DLGAP1: variants seen among roughly 807,000 people sequenced by gnomAD.
The protein encoded by DLGAP1 is DLG associated protein 1, also known as disks large-associated protein 1.
DLGAP1 carries 11 observed loss-of-function variants against 90.8 expected under a neutral mutation model. The ratio of observed to expected loss-of-function variants is 0.12; its 90% CI spans 0.08 to 0.20. The LOEUF is 0.20. DLGAP1 is among the 10% of genes least tolerant of loss of function. DLGAP1 has a pLI of 1.00. For missense variants in DLGAP1, 1,050 were observed against 1,333.8 expected, an observed-to-expected ratio of 0.79 and a Z score of 3.31; for synonymous variants, 558 against 540.7, an observed-to-expected ratio of 1.03 and a Z score of -0.44.
At chr18:3,514,886 C>A (rs970461855) in intron 10 of DLGAP1, among the ~76,000 whole-genome samples, 2 of 152,048 alleles carry the variant, frequency 1.3e-5, no homozygotes, top group African/African-American at 4.8e-5. Flanking sequence ...GGCAATGTCT[C>A]TTTTTAAAAT....
At chr18:3,587,708 CA>C (rs1468417262) in intron 7 of DLGAP1, among the ~76,000 whole-genome samples, 6 of 152,202 alleles carry the variant, frequency 3.9e-5, no homozygotes, top group Non-Finnish European at 8.8e-5. Flanking sequence ...CTGTAACACT[CA>C]TTGTGAGGGT....
intron 4 of DLGAP1, among the ~76,000 whole-genome samples, chr18:3,863,853 C>G (rs2070231722): frequency 6.6e-6 from 1 of 152,214 alleles, no homozygotes; most frequent in Non-Finnish European, 1.5e-5. Flanking sequence ...ACCATTGGTT[C>G]CCCTGAGAAA....
chr18:4,337,876 G>C (rs1312391428), intron 1 of DLGAP1, among the ~76,000 whole-genome samples: 1 of 152,030 alleles, frequency 6.6e-6, no homozygotes, highest in African/African-American at 2.4e-5. Context: ...ATTTTACAAT[G>C]TTCTTTTCAC....
intron 7 of DLGAP1, among the ~76,000 whole-genome samples, chr18:3,628,304 T>C (rs1475645744): frequency 3.3e-5 from 5 of 151,628 alleles, no homozygotes; most frequent in African/African-American, 7.3e-5. Context: ...ATTCTCCTAT[T>C]TCAGCCTCCC....
At chr18:4,427,177 C>T (rs1026970552) in intron 1 of DLGAP1, among the ~76,000 whole-genome samples, 6 of 152,148 alleles carry the variant, frequency 3.9e-5, no homozygotes, top group African/African-American at 1.4e-4. Context: ...CCAAATGGAG[C>T]AGAGAGACTG....
At chr18:4,015,435 T>C (rs777522338) in intron 2 of DLGAP1, among the ~76,000 whole-genome samples, 3 of 152,160 alleles carry the variant, frequency 2.0e-5, no homozygotes. Flanking sequence ...ATGATTTTGG[T>C]ATCCTTACTC....
At chr18:4,282,797 T>A (rs1201113588) in intron 1 of DLGAP1, among the ~76,000 whole-genome samples, 1 of 152,250 alleles carries the variant, frequency 6.6e-6, no homozygotes, top group Non-Finnish European at 1.5e-5. Flanking sequence ...CACAGCAGCA[T>A]GCCTCTGACT....
intron 3 of DLGAP1, among the ~76,000 whole-genome samples, chr18:3,987,163 T>C (rs1006615646): frequency 6.6e-5 from 10 of 152,150 alleles, no homozygotes; most frequent in Non-Finnish European, 1.5e-4. Context: ...ATTTTCCTCA[T>C]CTGTCAAATG....
At chr18:4,242,905 C>T (rs572856862) in intron 1 of DLGAP1, among the ~76,000 whole-genome samples, 24 of 152,082 alleles carry the variant, frequency 1.6e-4, no homozygotes, top group Admixed American at 1.4e-3. Flanking sequence ...CATGTAGTAC[C>T]CACGATGAGG....
intron 1 of DLGAP1, among the ~76,000 whole-genome samples, chr18:4,387,033 T>C (rs1357735810): frequency 6.6e-6 from 1 of 152,164 alleles, no homozygotes; most frequent in African/African-American, 2.4e-5. Context: ...AGATTTAAGT[T>C]AGTATGGGGA....
At chr18:4,327,294 C>T (rs1463705610) in intron 1 of DLGAP1, among the ~76,000 whole-genome samples, 1 of 151,866 alleles carries the variant, frequency 6.6e-6, no homozygotes, top group African/African-American at 2.4e-5. Context: ...ACACAAGGTA[C>T]ACATATATCA....
chr18:4,064,086 A>G (rs192812232), intron 2 of DLGAP1, among the ~76,000 whole-genome samples: 95 of 152,128 alleles, frequency 6.2e-4, no homozygotes, highest in Middle Eastern at 6.8e-3. Context: ...ATCAGTCAAA[A>G]GCTTTGTTGT....
intron 1 of DLGAP1, among the ~76,000 whole-genome samples, chr18:4,279,294 A>ATT (rs142415505): frequency 9.9e-5 from 15 of 151,954 alleles, no homozygotes; most frequent in Admixed American, 7.2e-4. Flanking sequence ...CATCCAAATA[A>ATT]TTTTTTTTAC....
At chr18:3,821,964 T>C in intron 4 of DLGAP1, 2 of 983,992 alleles carry the variant, frequency 2.0e-6, no homozygotes, top group East Asian at 1.1e-4. Flanking sequence ...CCTTGACAAA[T>C]GCGACTTGGC....
chr18:3,966,349 G>C (rs534409854), intron 3 of DLGAP1, among the ~76,000 whole-genome samples: 197 of 152,186 alleles, frequency 1.3e-3, no homozygotes, highest in African/African-American at 4.3e-3. Flanking sequence ...CTATTTGTTG[G>C]GGGGAAGGCT....
intron 1 of DLGAP1, among the ~76,000 whole-genome samples, chr18:4,186,037 T>C (rs1444473535): frequency 6.6e-5 from 10 of 152,028 alleles, no homozygotes; most frequent in African/African-American, 2.4e-4. Context: ...TGATCAGTGA[T>C]ATTGAGTTTT....
chr18:3,774,266 G>A (rs746574355), intron 5 of DLGAP1: 7 of 152,224 alleles, frequency 4.6e-5, no homozygotes, highest in Admixed American at 1.3e-4. Flanking sequence ...GCCTTTTCTC[G>A]TTAGTGACAA....
chr18:4,330,275 G>A (rs1247783239), intron 1 of DLGAP1, among the ~76,000 whole-genome samples: 1 of 149,114 alleles, frequency 6.7e-6, no homozygotes, highest in Non-Finnish European at 1.5e-5. Flanking sequence ...GACTGGCTAA[G>A]GATTTGTCAA....
At chr18:3,755,571 A>G (rs2063685068) in intron 5 of DLGAP1, among the ~76,000 whole-genome samples, 1 of 152,252 alleles carries the variant, frequency 6.6e-6, no homozygotes, top group South Asian at 2.1e-4. Flanking sequence ...GTTAATAAAG[A>G]CACAAGGGGC....
Sources: allele counts gnomAD v4.1 joint callset (sites outside exome capture counted in the v4.1 genomes callset), GRCh38; gene constraint gnomAD v4.1.1; transcripts MANE v1.5; gene names NCBI Gene and HGNC (gene_info 2026-07-23, HGNC 2026-07-21).